TMEM238L: variants seen among roughly 807,000 people sequenced by gnomAD.
TMEM238L encodes the protein transmembrane protein 238 like.
chr17:10,803,916 C>G, exon 1 of TMEM238L: 1 of 399,434 alleles, frequency 2.5e-6, no homozygotes, highest in Non-Finnish European at 4.4e-6. Flanking sequence ...TGAGGAAGAG[C>G]GCACAGCGCC....
chr17:10,803,415 G>A (rs140667044), intron 1 of TMEM238L, among the ~76,000 whole-genome samples, 191 bp downstream of exon 1: 54 of 152,286 alleles, frequency 3.5e-4, no homozygotes, highest in Admixed American at 4.6e-4. Context: ...AAAAGGGCCC[G>A]GAGGAGAAAA....
At chr17:10,803,557 G>C (rs1437721784) in intron 1 of TMEM238L, 49 bp downstream of exon 1, 6 of 393,586 alleles carry the variant, frequency 1.5e-5, no homozygotes, top group Middle Eastern at 6.3e-4. Flanking sequence ...GCCCCTGCTT[G>C]TCCAAGCCTC....
intron 1 of TMEM238L, among the ~76,000 whole-genome samples, chr17:10,799,033 G>C (rs1904649048): frequency 6.6e-6 from 1 of 150,442 alleles, no homozygotes; most frequent in Admixed American, 6.7e-5. Flanking sequence ...ACTTCCTGGG[G>C]GTGCCTTTGA....
At chr17:10,797,577 C>T (rs148102366) in intron 1 of TMEM238L, among the ~76,000 whole-genome samples, 2,837 of 152,220 alleles carry the variant, frequency 0.019, 38 homozygotes, top group Middle Eastern at 0.034. Context: ...TGCTCGTATA[C>T]GATTTGCATA....
chr17:10,801,773 C>A (rs1050389244), intron 1 of TMEM238L, among the ~76,000 whole-genome samples: 7 of 151,600 alleles, frequency 4.6e-5, no homozygotes, highest in Non-Finnish European at 8.8e-5. Context: ...AGAGCCCCCA[C>A]GTCATGTGTC....
chr17:10,803,399 G>A (rs916601935), intron 1 of TMEM238L, among the ~76,000 whole-genome samples: 1 of 152,180 alleles, frequency 6.6e-6, no homozygotes, highest in African/African-American at 2.4e-5. Context: ...TCCAGCCTCT[G>A]CGAGGAAAAG....
At chr17:10,801,783 CT>C (rs57292520) in intron 1 of TMEM238L, among the ~76,000 whole-genome samples, 1,649 of 143,438 alleles carry the variant, frequency 0.011, 20 homozygotes, top group African/African-American at 0.029. Flanking sequence ...CGTCATGTGT[CT>C]TTTTTTTTTT....
At chr17:10,795,378 A>G (rs1370178543) in exon 2 of TMEM238L, 2 of 152,246 alleles carry the variant, frequency 1.3e-5, no homozygotes, top group Admixed American at 1.3e-4. Context: ...AGGAGGAGAG[A>G]GTCCTCCCGC....
intron 1 of TMEM238L, 35 bp from the exon 2 acceptor site, chr17:10,795,983 C>G (rs1339481583): frequency 6.6e-6 from 1 of 152,172 alleles, no homozygotes; most frequent in Non-Finnish European, 1.5e-5. Flanking sequence ...ATGGATCAGC[C>G]CCCAACCCAA....
intron 1 of TMEM238L, among the ~76,000 whole-genome samples, chr17:10,798,633 G>A (rs1904632839): frequency 6.6e-6 from 1 of 152,138 alleles, no homozygotes; most frequent in South Asian, 2.1e-4. Flanking sequence ...GTTTCTGGGT[G>A]TGTGTTTGGT....
rs536568178 is a variant in TMEM238L at position 10,799,090 on chromosome 17, T to C, written c.*119-3142A>G. Among the ~76,000 whole-genome samples the C allele has an allele frequency of 5.9e-5, 9 of 152,344 alleles. 1 individual carries two copies. In the South Asian group the frequency reaches 1.9e-3, roughly 32 times the overall value. On this transcript the variant is annotated intron_variant, in intron 1 of 1. Coordinates refer to ENST00000581851, the Ensembl canonical transcript of TMEM238L. Reference sequence around the variant, plus strand: ...TCTCTCTGGAGAACCACGCAGGCTGTGGGCAGAAGGCTTGTGGGGCAGCCA... The same window carrying C: ...TCTCTCTGGAGAACCACGCAGGCTGCGGGCAGAAGGCTTGTGGGGCAGCCA...
chr17:10,801,113 C>T (rs1303864650), intron 1 of TMEM238L, among the ~76,000 whole-genome samples: 28 of 150,496 alleles, frequency 1.9e-4, no homozygotes, highest in African/African-American at 4.7e-4. Flanking sequence ...TGCAGTGGTG[C>T]GATCTCGGCT....
exon 2 of TMEM238L, chr17:10,795,327 G>C (rs11078861): frequency 0.29 from 43,623 of 152,228 alleles, 6,416 homozygotes; most frequent in Middle Eastern, 0.39. Context: ...GCTGTGCAAA[G>C]GAGTGGGGCT....
rs552531725 is a variant in TMEM238L, at chr17:10,800,311, A to G, written c.*118+3295T>C. On this transcript the variant is annotated intron_variant, in intron 1 of 1. Coordinates refer to ENST00000581851, the Ensembl canonical transcript of TMEM238L. Reference sequence around the variant, plus strand: ...GGGTGGAGGAGGGTTGGGCAGCCCCATAAGTGAGCAACGTCCTGAACAGCA... The same window carrying G: ...GGGTGGAGGAGGGTTGGGCAGCCCCGTAAGTGAGCAACGTCCTGAACAGCA... 1.4e-4 allele frequency among the ~76,000 whole-genome samples: 21 copies of G among 152,326 alleles called. No homozygotes were observed. In the South Asian group the frequency reaches 3.9e-3, roughly 29 times the overall value.
chr17:10,800,001 G>A (rs113457937), intron 1 of TMEM238L, among the ~76,000 whole-genome samples: 1 of 150,928 alleles, frequency 6.6e-6, no homozygotes, highest in Non-Finnish European at 1.5e-5. Context: ...GCGTGATCTC[G>A]GCTCACTGCA....
rs577644381 is a variant in TMEM238L at position 10,802,876 on chromosome 17, G to A, written c.*118+730C>T. Among the ~76,000 whole-genome samples, 9 of 152,314 alleles carry A rather than the reference G, an allele frequency of 5.9e-5. No homozygotes were observed. The South Asian group carries it at 1.7e-3, about 28-fold the overall frequency. On this transcript the variant is annotated intron_variant, in intron 1 of 1. Coordinates refer to ENST00000581851, the Ensembl canonical transcript of TMEM238L. ...ACTCTCTGCCTCTTTGGTTGCACGCGATAGACTGAGCTGTGACATGCAACT... is the reference window on the plus strand; with the variant it reads ...ACTCTCTGCCTCTTTGGTTGCACGCAATAGACTGAGCTGTGACATGCAACT...
At position 10,803,848 on chromosome 17, in the gene TMEM238L, G is replaced by A. The variant is rs1239459544; in HGVS notation, c.116C>T (p.Ala39Val). The A allele has an allele frequency of 7.5e-6, 3 of 399,514 alleles. No individual in the cohort carries two copies. In the South Asian group the frequency reaches 3.8e-4, roughly 51 times the overall value. 24.7% of individuals were successfully genotyped at this position (399,514 alleles called of 1,614,324 possible). Reference sequence around the variant, plus strand: ...GAAGAAGTCCCAGGAACTCAGGGGGGCCAAGATCCCCAGCAGCAAAAGGAC... The same window carrying A: ...GAAGAAGTCCCAGGAACTCAGGGGGACCAAGATCCCCAGCAGCAAAAGGAC... The change falls in exon 1 of 2, where the codon GCC (alanine) becomes GTC (valine). Residue 39 changes from alanine (A) to valine (V), a missense_variant. By Grantham distance (64) the Ala-to-Val change is moderately conservative. Transcript: ENST00000581851.
intron 1 of TMEM238L, among the ~76,000 whole-genome samples, chr17:10,800,727 G>C (rs1158415776): frequency 6.6e-6 from 1 of 152,190 alleles, no homozygotes; most frequent in South Asian, 2.1e-4. Context: ...ATGGGGCACG[G>C]AGAGGTGAAG....
At chr17:10,803,313 A>G (rs977790128) in intron 1 of TMEM238L, among the ~76,000 whole-genome samples, 35 of 152,160 alleles carry the variant, frequency 2.3e-4, no homozygotes, top group Non-Finnish European at 3.7e-4. Flanking sequence ...AGGTAAAGGG[A>G]TAACTTCCCA....
Sources: gnomAD v4.1 joint callset for allele counts (sites outside exome capture counted in the v4.1 genomes callset) on GRCh38, gnomAD v4.1.1 for gene constraint, MANE v1.5 for transcripts, NCBI Gene and HGNC (gene_info 2026-07-23, HGNC 2026-07-21) for gene names.